The following ADAMTSL3 variants were observed in gnomAD, a reference collection of about 807,000 sequenced individuals.
ADAMTSL3 encodes the protein ADAMTS like 3.
In ADAMTSL3, 128 loss-of-function variants were observed where a neutral mutation model predicts 201.7. That is an observed-to-expected ratio of 0.63 (90% confidence interval 0.55 to 0.73). ADAMTSL3 has a LOEUF of 0.73. Among genes scored for constraint, ADAMTSL3 ranks in the 30% least tolerant of loss-of-function variants. The pLI is 0.00. For synonymous variants in ADAMTSL3, 738 were observed against 748.4 expected (o/e 0.99, Z 0.23); for missense variants, 1,990 against 2,119.6 (o/e 0.94, Z 1.20).
chr15:83,848,155 C>A (rs2064540272), intron 7 of ADAMTSL3, among the ~76,000 whole-genome samples: 1 of 150,554 alleles, frequency 6.6e-6, no homozygotes. Context: ...AAAACCCAAC[C>A]AACTAAAAAA....
chr15:84,032,330 G>A (rs1053314949), intron 28 of ADAMTSL3, among the ~76,000 whole-genome samples: 8 of 152,188 alleles, frequency 5.3e-5, no homozygotes, highest in Non-Finnish European at 7.3e-5. Context: ...AGTTGGCTGG[G>A]TTACCATTTT....
intron 6 of ADAMTSL3, among the ~76,000 whole-genome samples, chr15:83,823,904 CT>C (rs2063941034): frequency 9.1e-5 from 3 of 32,796 alleles, no homozygotes; most frequent in Non-Finnish European, 1.6e-4. Flanking sequence ...TCTTCTTCTT[CT>C]TCTTCTTCTT....
At chr15:83,726,168 G>C (rs1353586527) in intron 3 of ADAMTSL3, among the ~76,000 whole-genome samples, 1 of 151,898 alleles carries the variant, frequency 6.6e-6, no homozygotes, top group Non-Finnish European at 1.5e-5. Flanking sequence ...ATTGTGAATG[G>C]GACCGCTTTC....
At chr15:83,777,056 AC>A (rs1198986495) in intron 4 of ADAMTSL3, among the ~76,000 whole-genome samples, 1 of 146,318 alleles carries the variant, frequency 6.8e-6, no homozygotes, top group Non-Finnish European at 1.5e-5. Context: ...ATCCTACCCC[AC>A]CCTGAGCAAC....
chr15:83,942,583 T>G lies in ADAMTSL3; in HGVS notation c.2118-13T>G, dbSNP rs1178054274. ...TGGACTGTTCAACTTTCCCCACTTG[T>G]TTTCTGTTTTAGGTGGCATGTGGGC... On this transcript the variant is annotated splice_polypyrimidine_tract_variant and intron_variant, in intron 17 of 29. Transcript: ENST00000286744. 3.7e-6 allele frequency: 6 copies of G among 1,605,714 alleles called. No individual in the cohort carries two copies. The highest frequency in any genetic ancestry group is 1.1e-5 in the South Asian group (1 of 90,740).
chr15:83,716,389 C>A (rs187847483), intron 3 of ADAMTSL3, among the ~76,000 whole-genome samples: 1 of 151,568 alleles, frequency 6.6e-6, no homozygotes, highest in Non-Finnish European at 1.5e-5. Flanking sequence ...TGGCGGCAGG[C>A]GCCTGTAATC....
At chr15:83,928,123 G>A (rs997469494) in intron 17 of ADAMTSL3, among the ~76,000 whole-genome samples, 6 of 152,050 alleles carry the variant, frequency 3.9e-5, no homozygotes, top group African/African-American at 9.7e-5. Flanking sequence ...TTACAGGAAT[G>A]AGCCATGTGC....
At chr15:83,768,911 T>C (rs1220746890) in intron 3 of ADAMTSL3, among the ~76,000 whole-genome samples, 1 of 152,110 alleles carries the variant, frequency 6.6e-6, no homozygotes, top group African/African-American at 2.4e-5. Flanking sequence ...GGAGACGGCA[T>C]TGGGGTTTCA....
At chr15:83,901,062 G>A (rs2065714669) in intron 15 of ADAMTSL3, among the ~76,000 whole-genome samples, 1 of 152,166 alleles carries the variant, frequency 6.6e-6, no homozygotes, top group African/African-American at 2.4e-5. Context: ...GGCACATGTG[G>A]CAAAGTGATG....
intron 21 of ADAMTSL3, among the ~76,000 whole-genome samples, chr15:83,986,831 G>C (rs1166043194): frequency 6.6e-6 from 1 of 152,158 alleles, no homozygotes; most frequent in South Asian, 2.1e-4. Context: ...CCTATAGAAA[G>C]ATCAACTTTG....
chr15:83,831,447 G>A (rs1047452400), intron 6 of ADAMTSL3, among the ~76,000 whole-genome samples: 9 of 152,210 alleles, frequency 5.9e-5, no homozygotes, highest in African/African-American at 2.2e-4. Context: ...CAGGAAGAAT[G>A]TCTTCAAGAT....
intron 2 of ADAMTSL3, among the ~76,000 whole-genome samples, chr15:83,696,280 G>A (rs2061687726): frequency 6.6e-6 from 1 of 152,148 alleles, no homozygotes; most frequent in African/African-American, 2.4e-5. Context: ...CATGATCACC[G>A]CTCACTGCAG....
intron 15 of ADAMTSL3, among the ~76,000 whole-genome samples, chr15:83,903,943 AAG>A (rs2065783058): frequency 2.3e-5 from 2 of 85,244 alleles, no homozygotes; most frequent in Non-Finnish European, 4.4e-5. Flanking sequence ...AAAAAAAAAA[AAG>A]AAAAAAGAAA....
intron 26 of ADAMTSL3, among the ~76,000 whole-genome samples, chr15:84,024,301 C>G (rs1180206701): frequency 6.6e-6 from 1 of 152,094 alleles, no homozygotes; most frequent in Non-Finnish European, 1.5e-5. Flanking sequence ...ATTTACTTCT[C>G]TATTAACACA....
rs1321573870 is a variant in ADAMTSL3, at chr15:83,988,732, C to T, written c.3758C>T (p.Pro1253Leu). 1.2e-6 allele frequency: 2 copies of T among 1,608,640 alleles called. No individual in the cohort carries two copies. Among genetic ancestry groups the T allele is most frequent in the Admixed American group, 3.3e-5 (2 of 59,728 alleles). Reference protein sequence around the residue: ...DGTGKIQIQNPTRKEQGIYEC... With the variant: ...DGTGKIQIQNLTRKEQGIYEC... ...ACTGGGAAGATACAGATACAGAATC[C>T]TACAAGGAAAGAACAAGGCATATAT... Residue 1253 changes from proline (P) to leucine (L), a missense_variant, in exon 22 of 30, where the codon CCT becomes CTT. Pro to Leu is a moderately conservative substitution (Grantham distance 98, BLOSUM62 -3). Coordinates refer to ENST00000286744, the MANE Select transcript of ADAMTSL3 (RefSeq NM_207517.3).
intron 6 of ADAMTSL3, among the ~76,000 whole-genome samples, chr15:83,833,196 T>C (rs2064192303): frequency 6.6e-6 from 1 of 152,196 alleles, no homozygotes; most frequent in African/African-American, 2.4e-5. Flanking sequence ...TTAGTCAGTT[T>C]GGGCAGCTGT....
intron 3 of ADAMTSL3, among the ~76,000 whole-genome samples, chr15:83,765,847 T>G (rs1473278043): frequency 6.6e-6 from 1 of 152,204 alleles, no homozygotes; most frequent in Non-Finnish European, 1.5e-5. Flanking sequence ...ATAGCTTTCC[T>G]TTTAGTGTTT....
chr15:83,822,421 T>C (rs1292232860), intron 6 of ADAMTSL3, among the ~76,000 whole-genome samples: 1 of 108,880 alleles, frequency 9.2e-6, no homozygotes, highest in African/African-American at 3.8e-5. Flanking sequence ...GGGCGGAGGG[T>C]CTCCTCACTT....
intron 17 of ADAMTSL3, among the ~76,000 whole-genome samples, chr15:83,929,920 G>C (rs924023860): frequency 2.0e-5 from 3 of 152,100 alleles, no homozygotes; most frequent in African/African-American, 7.2e-5. Flanking sequence ...CTGCCTCTTA[G>C]AGACCTTCGC....
Sources: gnomAD v4.1 joint callset for allele counts (sites outside exome capture counted in the v4.1 genomes callset) on GRCh38, gnomAD v4.1.1 for gene constraint, MANE v1.5 for transcripts, NCBI Gene and HGNC (gene_info 2026-07-23, HGNC 2026-07-21) for gene names.